Variants in VILL observed in about 807,000 individuals in gnomAD.
The protein encoded by VILL is villin-like protein.
VILL carries 102 observed loss-of-function variants against 106.3 expected under a neutral mutation model. That is an observed-to-expected ratio of 0.96 (90% CI 0.82 to 1.13). VILL has a LOEUF of 1.13. Ranked by LOEUF, VILL falls within the 50% of genes most tolerant of loss-of-function variation. The pLI is 0.00. For missense variants in VILL, 1,076 were observed against 1,116.6 expected, an observed-to-expected ratio of 0.96 and a Z score of 0.52; for synonymous variants, 431 against 440.3, an observed-to-expected ratio of 0.98 and a Z score of 0.27.
Position 37,997,691 on chromosome 3 carries a change from T to C in VILL, c.764+6T>C. 1 of 764,844 alleles carries C rather than the reference T, an allele frequency of 1.3e-6. No homozygotes were observed. 47.4% of individuals were successfully genotyped at this position (764,844 alleles called of 1,614,324 possible). A position where few individuals can be genotyped will look rare whatever the true frequency, so the allele number is the denominator to read the frequency against. On this transcript the variant is annotated splice_donor_region_variant and intron_variant, in intron 7 of 19. Transcript: ENST00000383759. This position sits in a 1 kb window ranked among gnomAD's most constrained non-coding sequence, Gnocchi z 4.7. The stretch of plus-strand genomic sequence containing the variant: ...GCCAATGTTCGCCTGTACCAGTGAG[T>C]ACCCCTGGGGTGGGCAGGGGTGGGT...
At chr3:37,995,663 C>T in intron 4 of VILL, 76 bp from the exon 5 acceptor site, 1 of 1,233,778 alleles carries the variant, frequency 8.1e-7, no homozygotes, top group Non-Finnish European at 1.2e-6. Context: ...CTCACATCTG[C>T]AGTCATTCAT....
chr3:38,003,085 C>G, intron 14 of VILL, 83 bp from the exon 15 acceptor site: 1 of 1,530,134 alleles, frequency 6.5e-7, no homozygotes, highest in Non-Finnish European at 8.8e-7. Flanking sequence ...CAGCCCCACC[C>G]CATACACCCT....
chr3:37,998,788 G>T lies in VILL; in HGVS notation c.943-124G>T. ...GGTGACAGAGTCAATTCGCTAAGTG[G>T]GTCATGAGCTCGGTTAATTAACGCT... On this transcript the variant is annotated intron_variant, in intron 9 of 19. Coordinates refer to ENST00000383759, the MANE Select transcript of VILL (RefSeq NM_015873.4). The surrounding 1 kb of genome is among the most constrained non-coding windows in gnomAD (Gnocchi z 4.1). 7.0e-7 allele frequency: 1 copy of T among 1,430,308 alleles called. No homozygotes were observed. Among genetic ancestry groups the T allele is most frequent in the Non-Finnish European group, 9.2e-7 (1 of 1,087,732 alleles). 88.6% of individuals were successfully genotyped at this position (1,430,308 alleles called of 1,614,324 possible).
rs1350497488 is a variant in VILL, at chr3:37,999,221, G to A, written c.1082-118G>A. ...CCTCAGGATGAGGAAAGGGGCGTGG[G>A]CTGCGGAGGACGCGGCGGGACCTGG... On this transcript the variant is annotated intron_variant, in intron 10 of 19. Transcript: ENST00000383759. 8 of 1,208,992 alleles carry A rather than the reference G, an allele frequency of 6.6e-6. No individual in the cohort carries two copies. In the Admixed American group the frequency reaches 1.9e-4, roughly 29 times the overall value. 74.9% of individuals were successfully genotyped at this position (1,208,992 alleles called of 1,614,324 possible).
intron 11 of VILL, 126 bp from the exon 12 acceptor site, chr3:38,001,330 G>A (rs1575338074): frequency 2.2e-6 from 3 of 1,384,522 alleles, no homozygotes; most frequent in South Asian, 1.4e-5. Flanking sequence ...AGCTGAGGGT[G>A]GGCCCCTGGC....
chr3:37,994,432 G>C lies in VILL; in HGVS notation c.307G>C (p.Asp103His), dbSNP rs563859774. 1.2e-6 allele frequency: 2 copies of C among 1,612,664 alleles called. No individual in the cohort carries two copies. The highest frequency in any genetic ancestry group is 2.2e-5 in the East Asian group (1 of 44,876). ...LHREAQGHESDCFCSYFRPGI... is the reference protein window; with the variant it reads ...LHREAQGHESHCFCSYFRPGI... Reference sequence around the variant, plus strand: ...CCGCGAGGCGCAGGGCCACGAGTCCGACTGCTTCTGCAGCTACTTCCGCCC... The same window carrying C: ...CCGCGAGGCGCAGGGCCACGAGTCCCACTGCTTCTGCAGCTACTTCCGCCC... Residue 103 changes from aspartate to histidine, a missense_variant, in exon 4 of 20, where the codon GAC becomes CAC. Transcript: ENST00000383759.
intron 2 of VILL, 29 bp downstream of exon 2, chr3:37,993,761 G>A: frequency 6.2e-7 from 1 of 1,613,158 alleles, no homozygotes; most frequent in Non-Finnish European, 8.5e-7. Context: ...TAGGAGAGTT[G>A]GTGACATGGA....
chr3:38,004,147 G>A (rs1250261245), intron 15 of VILL, 108 bp from the exon 16 acceptor site: 3 of 1,458,682 alleles, frequency 2.1e-6, no homozygotes, highest in Non-Finnish European at 2.8e-6. Context: ...AGGGCCCAGG[G>A]CTCCCACTCC....
chr3:38,004,394 C>T lies in VILL; in HGVS notation c.1945C>T (p.Gln649Ter). The T allele has an allele frequency of 1.2e-6, 2 of 1,605,174 alleles. No individual in the cohort carries two copies. The highest frequency in any genetic ancestry group is 1.7e-6 in the Non-Finnish European group (2 of 1,172,480). Residue 649 changes from glutamine to a stop codon, truncating the protein, a stop_gained, in exon 16 of 20, where the codon CAG (glutamine) becomes TAG (stop). Transcript: ENST00000383759. LOFTEE classifies it high-confidence loss of function. ...KYDIMLLDTWQEIFLWLGEAA... is the reference protein window; with the variant it reads ...KYDIMLLDTW Reference sequence around the variant, plus strand: ...TGACATCATGTTACTGGACACCTGGCAGGAGGTAAGGTGGCCATCCCTGCC... The same window carrying T: ...TGACATCATGTTACTGGACACCTGGTAGGAGGTAAGGTGGCCATCCCTGCC...
chr3:37,994,016 C>G (rs1575333492), intron 3 of VILL, 44 bp downstream of exon 3: 1 of 1,608,172 alleles, frequency 6.2e-7, no homozygotes, highest in African/African-American at 1.3e-5. Context: ...TGGCATGGCC[C>G]GGCACTGGGG....
At chr3:37,988,706 T>C (rs1252527038), upstream of VILL, among the ~76,000 whole-genome samples, 1 of 152,038 alleles carries the variant, frequency 6.6e-6, no homozygotes, top group Non-Finnish European at 1.5e-5. Flanking sequence ...CTACCAAAAA[T>C]ACAAAATTAG....
chr3:38,001,180 G>A (rs1184104588), intron 11 of VILL: 2 of 562,020 alleles, frequency 3.6e-6, no homozygotes, highest in Non-Finnish European at 6.4e-6. Context: ...GGTTGTGGCT[G>A]GTGGGGTTGG....
rs1252196896 is a variant in VILL at position 38,005,985 on chromosome 3, C to G, written c.2133+11C>G. On this transcript the variant is annotated intron_variant, in intron 17 of 19. Coordinates refer to ENST00000383759, the MANE Select transcript of VILL (RefSeq NM_015873.4). ...CCCTACAAGTGGACTGTGAGTGAGG[C>G]CTGAAACCCCCAGCCCTACCCTAAT... is the stretch of plus-strand genomic sequence containing the variant. 1 of 1,604,812 alleles carries G rather than the reference C, an allele frequency of 6.2e-7. No individual in the cohort carries two copies. The highest frequency in any genetic ancestry group is 8.5e-7 in the Non-Finnish European group (1 of 1,173,926).
intron 14 of VILL, 200 bp downstream of exon 14, chr3:38,002,775 A>G: frequency 1.5e-6 from 1 of 655,560 alleles, no homozygotes; most frequent in Non-Finnish European, 2.5e-6. Context: ...GAGAGTCCGC[A>G]GGTCAGAGCC....
intron 14 of VILL, 65 bp from the exon 15 acceptor site, chr3:38,003,103 G>T: frequency 6.4e-7 from 1 of 1,574,720 alleles, no homozygotes; most frequent in Non-Finnish European, 8.6e-7. Context: ...CCTGTGAACG[G>T]GACGTGGGGC....
intron 10 of VILL, 131 bp downstream of exon 10, chr3:37,999,181 C>G: frequency 8.2e-7 from 1 of 1,214,054 alleles, no homozygotes; most frequent in Non-Finnish European, 1.1e-6. Flanking sequence ...CTGGTCTGCA[C>G]GGGGCGGAAC....
intron 13 of VILL, 47 bp downstream of exon 13, chr3:38,001,907 TG>T (rs1201010603): frequency 2.5e-6 from 4 of 1,613,044 alleles, no homozygotes; most frequent in Non-Finnish European, 3.4e-6. Context: ...CAGTTCTGCA[TG>T]GGCCATGGCC....
At chr3:38,001,663 G>C in intron 12 of VILL, 39 bp from the exon 13 acceptor site, 2 of 1,613,610 alleles carry the variant, frequency 1.2e-6, no homozygotes, top group Non-Finnish European at 1.7e-6. Flanking sequence ...TGAAATGTGA[G>C]AGCTGGGCCA....
Position 37,997,768 on chromosome 3 carries a change from T to G in VILL, c.764+83T>G. 1.6e-4 allele frequency: 222 copies of G among 1,420,594 alleles called. No homozygotes were observed. The highest frequency in any genetic ancestry group is 1.9e-4 in the Non-Finnish European group (204 of 1,051,330). The allele number at this position is 1,420,594 out of a possible 1,614,324, so 88.0% of individuals were successfully genotyped here. A position where few individuals can be genotyped will look rare whatever the true frequency, so the allele number is the denominator to read the frequency against. ...CACTACTGCAATAACACGGCATCTCTAGAAGGCCCTCCAGCAAAGGCTGCT... is the reference window on the plus strand; with the variant it reads ...CACTACTGCAATAACACGGCATCTCGAGAAGGCCCTCCAGCAAAGGCTGCT... On this transcript the variant is annotated intron_variant, in intron 7 of 19. Transcript: ENST00000383759. The surrounding 1 kb of genome is among the most constrained non-coding windows in gnomAD (Gnocchi z 4.7).
Sources: allele counts gnomAD v4.1 joint callset (sites outside exome capture counted in the v4.1 genomes callset), GRCh38; gene constraint gnomAD v4.1.1; non-coding constraint Gnocchi (gnomAD v3.1); transcripts MANE v1.5; gene names NCBI Gene and HGNC (gene_info 2026-07-23, HGNC 2026-07-21).